The following COMMD1 variants were observed in gnomAD, a reference collection of about 807,000 sequenced individuals.
COMMD1 encodes COMM domain-containing protein 1.
In COMMD1, 10 loss-of-function variants were observed where a neutral mutation model predicts 17.2. The ratio of observed to expected loss-of-function variants is 0.58; its 90% CI spans 0.36 to 0.99. The LOEUF is 0.99. Among genes scored for constraint, COMMD1 ranks in the 50% least tolerant of loss-of-function variants. COMMD1 has a pLI of 0.01. For synonymous variants in COMMD1, 97 were observed against 91.6 expected, an observed-to-expected ratio of 1.06 and a Z score of -0.34; for missense variants, 270 against 231.8, an observed-to-expected ratio of 1.17 and a Z score of -1.07.
chr2:62,094,096 T>G (rs1671926877), intron 2 of COMMD1, among the ~76,000 whole-genome samples: 1 of 152,148 alleles, frequency 6.6e-6, no homozygotes, highest in African/African-American at 2.4e-5. Flanking sequence ...TTCCTGTAAT[T>G]TTTCCCTAGG....
intron 1 of COMMD1, among the ~76,000 whole-genome samples, chr2:61,970,004 C>G (rs966816329): frequency 1.3e-5 from 2 of 152,042 alleles, no homozygotes; most frequent in Non-Finnish European, 2.9e-5. Context: ...CACCTGTAAT[C>G]CCAGCACTCT....
chr2:62,006,365 G>A (rs1030134575), intron 2 of COMMD1, among the ~76,000 whole-genome samples: 2 of 148,710 alleles, frequency 1.3e-5, no homozygotes, highest in Non-Finnish European at 1.5e-5. Context: ...AAAAAAAAAA[G>A]AAAATTGGAA....
At chr2:61,956,849 C>A (rs913580611) in intron 1 of COMMD1, among the ~76,000 whole-genome samples, 1 of 152,068 alleles carries the variant, frequency 6.6e-6, no homozygotes, top group Non-Finnish European at 1.5e-5. Context: ...CTCCCGAGTT[C>A]AAGCAATTTC....
intron 2 of COMMD1, among the ~76,000 whole-genome samples, chr2:62,124,123 C>T (rs774592175): frequency 4.6e-5 from 7 of 152,076 alleles, no homozygotes; most frequent in Non-Finnish European, 8.8e-5. Flanking sequence ...CATGGTGAAA[C>T]CCTGTCTCTA....
intron 2 of COMMD1, among the ~76,000 whole-genome samples, chr2:62,035,867 C>T (rs1360937462): frequency 6.6e-6 from 1 of 150,900 alleles, no homozygotes; most frequent in African/African-American, 2.4e-5. Flanking sequence ...GCCTGGGCAA[C>T]ATGCTAAAAC....
At chr2:61,931,039 TG>T (rs1264897724) in intron 1 of COMMD1, among the ~76,000 whole-genome samples, 1 of 152,168 alleles carries the variant, frequency 6.6e-6, no homozygotes, top group East Asian at 1.9e-4. Context: ...AGGCTGGGTA[TG>T]GGGGCTCGTG....
intron 2 of COMMD1, among the ~76,000 whole-genome samples, chr2:62,052,796 T>C (rs975488742): frequency 3.3e-5 from 5 of 152,148 alleles, no homozygotes; most frequent in Non-Finnish European, 7.4e-5. Flanking sequence ...ATTCTTGGCC[T>C]GGATGTGGTG....
intron 2 of COMMD1, among the ~76,000 whole-genome samples, chr2:62,012,159 A>C (rs1384221993): frequency 6.6e-6 from 1 of 151,746 alleles, no homozygotes; most frequent in Non-Finnish European, 1.5e-5. Context: ...TGGGAGGCTG[A>C]GGAACGAGAA....
chr2:61,983,251 G>A (rs1039483917), intron 1 of COMMD1, among the ~76,000 whole-genome samples: 8 of 150,124 alleles, frequency 5.3e-5, no homozygotes, highest in East Asian at 2.0e-4. Context: ...GTGCAGTGGC[G>A]CAATCTTGGC....
intron 1 of COMMD1, among the ~76,000 whole-genome samples, chr2:61,949,885 C>G (rs1206320582): frequency 2.0e-5 from 3 of 152,206 alleles, no homozygotes; most frequent in South Asian, 4.1e-4. Flanking sequence ...CCCCAGGCCA[C>G]TGGCTGCCTG....
chr2:62,098,164 T>C (rs1315859826), intron 2 of COMMD1, among the ~76,000 whole-genome samples: 1 of 127,990 alleles, frequency 7.8e-6, no homozygotes, highest in Non-Finnish European at 1.5e-5. Flanking sequence ...CTTTCTTTCT[T>C]TTTTTTTTTT....
At chr2:62,024,434 G>A (rs1300259093) in intron 2 of COMMD1, among the ~76,000 whole-genome samples, 3 of 152,146 alleles carry the variant, frequency 2.0e-5, no homozygotes. Context: ...TAATATATGT[G>A]ATTATACTCT....
intron 2 of COMMD1, among the ~76,000 whole-genome samples, chr2:62,119,335 G>A (rs1672683523): frequency 6.6e-6 from 1 of 152,100 alleles, no homozygotes; most frequent in Admixed American, 6.6e-5. Context: ...CTTTGCTGTG[G>A]CAACCCTAGC....
chr2:62,023,847 T>C (rs1173130591), intron 2 of COMMD1, among the ~76,000 whole-genome samples: 1 of 152,002 alleles, frequency 6.6e-6, no homozygotes, highest in Non-Finnish European at 1.5e-5. Context: ...AGGGAATGAA[T>C]GGGAGGAAAG....
upstream of COMMD1, chr2:61,888,498 T>G: frequency 6.2e-7 from 1 of 1,611,878 alleles, no homozygotes; most frequent in South Asian, 1.1e-5. Context: ...GGTGCCACAT[T>G]CTCGGGCATG....
At chr2:61,901,007 C>T (rs1375782641), upstream of COMMD1, among the ~76,000 whole-genome samples, 5 of 152,162 alleles carry the variant, frequency 3.3e-5, no homozygotes, top group South Asian at 2.1e-4. Context: ...AGTGCAGTGG[C>T]GTGATCTCGG....
intron 2 of COMMD1, among the ~76,000 whole-genome samples, chr2:62,101,111 A>AG (rs397824174): frequency 1.3e-5 from 2 of 150,784 alleles, no homozygotes; most frequent in African/African-American, 4.9e-5. Context: ...AAAAAAAAAA[A>AG]TGAGAGCTTA....
chr2:61,989,709 C>T (rs1237174239), intron 1 of COMMD1, among the ~76,000 whole-genome samples: 1 of 152,108 alleles, frequency 6.6e-6, no homozygotes, highest in Non-Finnish European at 1.5e-5. Flanking sequence ...AGTGATCCGC[C>T]CACGTCGGCC....
At chr2:62,033,922 C>T (rs1669973826) in intron 2 of COMMD1, among the ~76,000 whole-genome samples, 1 of 151,654 alleles carries the variant, frequency 6.6e-6, no homozygotes, top group South Asian at 2.1e-4. Context: ...CCAGCCTGGC[C>T]AACATAGGGA....
Sources: allele counts gnomAD v4.1 joint callset (sites outside exome capture counted in the v4.1 genomes callset), GRCh38; gene constraint gnomAD v4.1.1; transcripts MANE v1.5; gene names NCBI Gene and HGNC (gene_info 2026-07-23, HGNC 2026-07-21).